The following FOXN3 variants were observed in gnomAD, a reference collection of about 807,000 sequenced individuals.
The protein encoded by FOXN3 is forkhead box N3, also known as forkhead box protein N3.
A neutral mutation model predicts 38.4 loss-of-function variants in FOXN3; 7 were observed. The ratio of observed to expected loss-of-function variants is 0.18; its 90% CI spans 0.10 to 0.34. The LOEUF (loss-of-function observed/expected upper bound fraction) is 0.34, where lower values mean the gene tolerates loss of function less well. FOXN3 is among the 10% of genes least tolerant of loss of function. The pLI is 1.00. For synonymous variants in FOXN3, 230 were observed against 242.2 expected (o/e 0.95, Z 0.47); for missense variants, 456 against 613.4 (o/e 0.74, Z 2.71).
At chr14:89,238,580 G>C (rs1566936300) in intron 4 of FOXN3, among the ~76,000 whole-genome samples, 1 of 152,216 alleles carries the variant, frequency 6.6e-6, no homozygotes, top group Non-Finnish European at 1.5e-5. Flanking sequence ...AGTGGCTTAA[G>C]GGGTCACTTG....
chr14:89,439,886 C>T (rs191951025), intron 1 of FOXN3, among the ~76,000 whole-genome samples: 117 of 152,094 alleles, frequency 7.7e-4, no homozygotes, highest in African/African-American at 2.7e-3. Flanking sequence ...AATCTCCTGA[C>T]GTCGTGATCC....
intron 1 of FOXN3, among the ~76,000 whole-genome samples, chr14:89,504,709 C>A (rs1893874067): frequency 6.6e-6 from 1 of 152,180 alleles, no homozygotes; most frequent in African/African-American, 2.4e-5. Flanking sequence ...AGTGGCTTCA[C>A]AGTGGTTAAG....
At position 89,192,474 on chromosome 14, in the gene FOXN3, T is replaced by A. The variant is rs1255606304; in HGVS notation, c.746-11668A>T. Among the ~76,000 whole-genome samples the A allele has an allele frequency of 2.8e-5, 4 of 141,594 alleles. No individual in the cohort carries two copies. In the Admixed American group the frequency reaches 2.9e-4, roughly 10 times the overall value. The allele number at this position is 141,594 out of a possible 152,430, so 92.9% of individuals were successfully genotyped here. A position where few individuals can be genotyped will look rare whatever the true frequency, so the allele number is the denominator to read the frequency against. Reference sequence around the variant, plus strand: ...TATTATATATAAACTATAGTTTATATATACTATTACATATAATAGTTAACA... The same window carrying A: ...TATTATATATAAACTATAGTTTATAAATACTATTACATATAATAGTTAACA... On this transcript the variant is annotated intron_variant, in intron 4 of 5. Coordinates refer to ENST00000557258, the MANE Select transcript of FOXN3 (RefSeq NM_005197.4).
chr14:89,311,741 G>A (rs1378356396), intron 3 of FOXN3, among the ~76,000 whole-genome samples: 2 of 148,942 alleles, frequency 1.3e-5, no homozygotes, highest in Admixed American at 6.7e-5. Context: ...CAGGAGAATC[G>A]CTTGAACCTG....
intron 4 of FOXN3, among the ~76,000 whole-genome samples, chr14:89,250,376 G>C (rs1885418600): frequency 6.6e-6 from 1 of 152,246 alleles, no homozygotes; most frequent in Non-Finnish European, 1.5e-5. Flanking sequence ...CTCCCCAAGT[G>C]TTGGGATTAC....
At chr14:89,296,464 A>G (rs17773812) in intron 3 of FOXN3, among the ~76,000 whole-genome samples, 3,588 of 152,234 alleles carry the variant, frequency 0.024, 69 homozygotes, top group Non-Finnish European at 0.038. Flanking sequence ...TAAGAAAACT[A>G]CTCCTTTTAG....
chr14:89,259,404 T>G (rs1007659640), intron 4 of FOXN3, among the ~76,000 whole-genome samples: 4 of 152,182 alleles, frequency 2.6e-5, no homozygotes, highest in African/African-American at 9.7e-5. Flanking sequence ...CTCTGGTCAC[T>G]AGGAAGCTCA....
intron 3 of FOXN3, among the ~76,000 whole-genome samples, chr14:89,289,992 C>A (rs547169499): frequency 2.0e-5 from 3 of 152,216 alleles, no homozygotes; most frequent in African/African-American, 7.2e-5. Context: ...CACAAGTCAC[C>A]ACGTGGAACT....
intron 1 of FOXN3, among the ~76,000 whole-genome samples, chr14:89,511,173 CTTT>C (rs879451201): frequency 0.3 from 12,137 of 40,468 alleles, 4,796 homozygotes; most frequent in Non-Finnish European, 0.46. Context: ...TTCTTTCTTT[CTTT>C]CTTTCTTTCT....
At chr14:89,502,627 T>C (rs1893826844) in intron 1 of FOXN3, among the ~76,000 whole-genome samples, 1 of 152,234 alleles carries the variant, frequency 6.6e-6, no homozygotes, top group Non-Finnish European at 1.5e-5. Context: ...CATAAAATCA[T>C]GATACAGTTT....
rs1412374781 is a variant in FOXN3, at chr14:89,320,532, C to T, written c.680+30140G>A. On this transcript the variant is annotated intron_variant, in intron 3 of 5. Coordinates refer to ENST00000557258, the MANE Select transcript of FOXN3 (RefSeq NM_005197.4). ...TTTAAGTTTTCACATAACCTGGTATCCTCTTGCATACCTCGGTGAGATAGC... is the reference window on the plus strand; with the variant it reads ...TTTAAGTTTTCACATAACCTGGTATTCTCTTGCATACCTCGGTGAGATAGC... 1.1e-4 allele frequency among the ~76,000 whole-genome samples: 16 copies of T among 152,312 alleles called. No homozygotes were observed. The East Asian group carries it at 3.1e-3, about 29-fold the overall frequency.
At chr14:89,401,705 G>A (rs967951515) in intron 2 of FOXN3, 6 of 455,222 alleles carry the variant, frequency 1.3e-5, no homozygotes, top group East Asian at 7.0e-5. Context: ...TGTTCTGCTA[G>A]GTGGGTGTTT....
At chr14:89,333,749 TAA>T (rs57491119) in intron 3 of FOXN3, among the ~76,000 whole-genome samples, 3,166 of 57,208 alleles carry the variant, frequency 0.055, 215 homozygotes, top group African/African-American at 0.18. Flanking sequence ...GAGAGACTAT[TAA>T]AAAAAAAAAA....
At chr14:89,566,446 T>TTAA (rs879777319) in intron 1 of FOXN3, among the ~76,000 whole-genome samples, 1 of 151,690 alleles carries the variant, frequency 6.6e-6, no homozygotes, top group African/African-American at 2.4e-5. Context: ...ATAATTTTTT[T>TTAA]AAAAAAAAAT....
At chr14:89,524,199 C>A (rs1596307135) in intron 1 of FOXN3, among the ~76,000 whole-genome samples, 1 of 145,424 alleles carries the variant, frequency 6.9e-6, no homozygotes, top group Admixed American at 6.8e-5. Context: ...AAGGTGAAAC[C>A]CTCTCTCTAC....
At position 89,432,553 on chromosome 14, in the gene FOXN3, T is replaced by C. The variant is rs113376735; in HGVS notation, c.-14-20063A>G. Among the ~76,000 whole-genome samples the C allele has an allele frequency of 5.5e-3, 842 of 152,294 alleles. 2 individuals are homozygous for C. Among genetic ancestry groups the C allele is most frequent in the Non-Finnish European group, 9.5e-3 (649 of 68,022 alleles). On this transcript the variant is annotated intron_variant, in intron 1 of 6. Transcript: ENST00000345097. Reference sequence around the variant, plus strand: ...AGGTGCTGTCATCCTCATTTACAGATGAGGACACCAAGGCTTCAAGAAGCT... The same window carrying C: ...AGGTGCTGTCATCCTCATTTACAGACGAGGACACCAAGGCTTCAAGAAGCT...
At chr14:89,616,515 TCCCCAA>T (rs1396849100) in intron 1 of FOXN3, among the ~76,000 whole-genome samples, 1 of 149,796 alleles carries the variant, frequency 6.7e-6, no homozygotes, top group Non-Finnish European at 1.5e-5. Flanking sequence ...TCCCTTTCAC[TCCCCAA>T]CCCCACCCCC....
chr14:89,167,430 T>C (rs1887270953), intron 5 of FOXN3, among the ~76,000 whole-genome samples: 1 of 152,366 alleles, frequency 6.6e-6, no homozygotes, highest in African/African-American at 2.4e-5. Flanking sequence ...AAGGATATCA[T>C]GTAGGGTAGT....
At chr14:89,469,534 T>C (rs1893048068) in intron 1 of FOXN3, among the ~76,000 whole-genome samples, 1 of 152,196 alleles carries the variant, frequency 6.6e-6, no homozygotes, top group Non-Finnish European at 1.5e-5. Context: ...GAGCAAAGAG[T>C]TCATGTTGTG....
Sources: gnomAD v4.1 joint callset for allele counts (sites outside exome capture counted in the v4.1 genomes callset) on GRCh38, gnomAD v4.1.1 for gene constraint, MANE v1.5 for transcripts, NCBI Gene and HGNC (gene_info 2026-07-23, HGNC 2026-07-21) for gene names.